Variants in GNG7 observed in about 807,000 individuals in gnomAD.
GNG7 encodes the protein guanine nucleotide-binding protein G(I)/G(S)/G(O) subunit gamma-7.
GNG7 carries 1 observed loss-of-function variant against 4.0 expected under a neutral mutation model. That is an observed-to-expected ratio of 0.25 (90% CI 0.09 to 1.18). The LOEUF (loss-of-function observed/expected upper bound fraction) is 1.18, where lower values mean the gene tolerates loss of function less well. Among genes scored for constraint, GNG7 ranks in the 50% most tolerant of loss-of-function variants. The pLI is 0.50. For missense variants in GNG7, 86 were observed against 91.9 expected (o/e 0.94, Z 0.26); for synonymous variants, 34 against 36.9 (o/e 0.92, Z 0.29).
At chr19:2,528,934 G>A (rs1032855054) in intron 3 of GNG7, among the ~76,000 whole-genome samples, 3 of 152,190 alleles carry the variant, frequency 2.0e-5, no homozygotes, top group African/African-American at 7.2e-5. Flanking sequence ...AAGACAAGGT[G>A]GCTGGAACAT....
At chr19:2,644,091 G>C (rs1982592652) in intron 2 of GNG7, among the ~76,000 whole-genome samples, 2 of 151,824 alleles carry the variant, frequency 1.3e-5, no homozygotes, top group African/African-American at 4.8e-5. Flanking sequence ...CGCAATCTCA[G>C]CTCACTGCAA....
intron 2 of GNG7, among the ~76,000 whole-genome samples, chr19:2,559,320 A>G (rs976198270): frequency 1.9e-4 from 28 of 146,556 alleles, no homozygotes; most frequent in Non-Finnish European, 1.5e-5. Context: ...ACTTTCCTTT[A>G]TCTGATCAAT....
intron 3 of GNG7, among the ~76,000 whole-genome samples, chr19:2,525,783 G>C (rs1489841623): frequency 5.3e-5 from 8 of 152,094 alleles, no homozygotes; most frequent in African/African-American, 1.9e-4. Flanking sequence ...ATGTGTAAGA[G>C]TGAAAAGTTA....
intron 1 of GNG7, among the ~76,000 whole-genome samples, chr19:2,657,990 G>C (rs981759776): frequency 6.6e-6 from 1 of 152,062 alleles, no homozygotes; most frequent in Admixed American, 6.6e-5. Flanking sequence ...ATTGGAGATG[G>C]CTCATACTCC....
rs117654677 is a variant in GNG7 at position 2,694,066 on chromosome 19, T to C, written c.-135+8580A>G. Among the ~76,000 whole-genome samples, 11 of 152,258 alleles carry C rather than the reference T, an allele frequency of 7.2e-5. No individual in the cohort carries two copies. In the East Asian group the frequency reaches 2.1e-3, roughly 29 times the overall value. The stretch of plus-strand genomic sequence containing the variant: ...TCTATGCCTAAGAAATCTTGGTTGT[T>C]TGAGGATAAAATTATCTTCCTTTCT... On this transcript the variant is annotated intron_variant, in intron 1 of 4. Transcript: ENST00000382159.
chr19:2,669,121 G>T (rs955807790), intron 1 of GNG7, among the ~76,000 whole-genome samples: 1 of 152,178 alleles, frequency 6.6e-6, no homozygotes. Context: ...GGGGGTGGTC[G>T]TGTGTGTTGA....
intron 1 of GNG7, among the ~76,000 whole-genome samples, chr19:2,673,563 G>A (rs1983519340): frequency 6.6e-6 from 1 of 151,820 alleles, no homozygotes; most frequent in Admixed American, 6.6e-5. Flanking sequence ...CAGGGTGGCA[G>A]GCACCTGAAA....
At chr19:2,641,400 G>T (rs574737029) in intron 2 of GNG7, among the ~76,000 whole-genome samples, 80 of 152,280 alleles carry the variant, frequency 5.3e-4, no homozygotes, top group African/African-American at 1.9e-3. Flanking sequence ...ATAGCATCCG[G>T]GGTGATCTGG....
At chr19:2,622,322 G>T (rs964620768) in intron 2 of GNG7, among the ~76,000 whole-genome samples, 3 of 152,166 alleles carry the variant, frequency 2.0e-5, no homozygotes, top group African/African-American at 7.2e-5. Context: ...CTTGTGATCC[G>T]CCTGTGTCGG....
chr19:2,562,030 A>C lies in GNG7; in HGVS notation c.-77-6842T>G, dbSNP rs372219011. Reference sequence around the variant, plus strand: ...GCTTCGCAGGCTCTTCTGGGAGACCAGCGGGTAATCCCCTTCCTCCGACAT... The same window carrying C: ...GCTTCGCAGGCTCTTCTGGGAGACCCGCGGGTAATCCCCTTCCTCCGACAT... On this transcript the variant is annotated intron_variant, in intron 2 of 4. Coordinates refer to ENST00000382159, the MANE Select transcript of GNG7 (RefSeq NM_052847.3). Among the ~76,000 whole-genome samples, 11 of 152,184 alleles carry C rather than the reference A, an allele frequency of 7.2e-5. No homozygotes were observed. In the East Asian group the frequency reaches 9.7e-4, roughly 13 times the overall value.
intron 2 of GNG7, among the ~76,000 whole-genome samples, chr19:2,612,356 A>G (rs1981594817): frequency 6.6e-6 from 1 of 152,078 alleles, no homozygotes; most frequent in Admixed American, 6.6e-5. Context: ...AACATCGCCC[A>G]GTGCCCCCTG....
rs150728471 is a variant in GNG7 at position 2,629,903 on chromosome 19, A to G, written c.-78+16321T>C. The stretch of plus-strand genomic sequence containing the variant: ...GCCAGGGTCCATTTCCTGGTTTTGT[A>G]CTATGGTTACGTAAGATGTCACCAC... On this transcript the variant is annotated intron_variant, in intron 2 of 4. Coordinates refer to ENST00000382159, the MANE Select transcript of GNG7 (RefSeq NM_052847.3). Among the ~76,000 whole-genome samples the G allele has an allele frequency of 3.3e-3, 510 of 152,268 alleles. 2 individuals are homozygous for G. The highest frequency in any genetic ancestry group is 0.012 in the South Asian group (56 of 4,826).
chr19:2,624,682 C>G (rs947576544), intron 2 of GNG7, among the ~76,000 whole-genome samples: 1 of 152,226 alleles, frequency 6.6e-6, no homozygotes, highest in Admixed American at 6.5e-5. Context: ...TGACCTGTTG[C>G]CAGCCCTGGC....
At chr19:2,640,173 G>A (rs1244211569) in intron 2 of GNG7, among the ~76,000 whole-genome samples, 2 of 141,666 alleles carry the variant, frequency 1.4e-5, no homozygotes, top group Non-Finnish European at 3.1e-5. Context: ...GGGAGATAGA[G>A]ATAGGAAGGA....
At position 2,512,995 on chromosome 19, in the gene GNG7, G is replaced by A. The variant is rs892650927; in HGVS notation, c.*2027C>T. ...TGGGGCTCTCCCGGGCCAACAGCAG[G>A]TTTGGCGGGTAGGGCTCCCCGAAGC... On this transcript the variant is annotated 3_prime_UTR_variant, in exon 5 of 5. Coordinates refer to ENST00000382159, the MANE Select transcript of GNG7 (RefSeq NM_052847.3). This position sits in a 1 kb window ranked among gnomAD's most constrained non-coding sequence, Gnocchi z 4.7. 6.1e-6 allele frequency: 6 copies of A among 985,342 alleles called. No individual in the cohort carries two copies. The Admixed American group carries it at 3.1e-4, about 50-fold the overall frequency. 61.0% of individuals were successfully genotyped at this position (985,342 alleles called of 1,614,324 possible).
Position 2,586,103 on chromosome 19 carries a change from T to C in GNG7, c.-77-30915A>G, listed in dbSNP as rs118070405. ...CAGTGTTACTTTTGTAAACATAAAG[T>C]TGTACGATTTTGATGATGAAAAACG... is the stretch of plus-strand genomic sequence containing the variant. On this transcript the variant is annotated intron_variant, in intron 2 of 4. Coordinates refer to ENST00000382159, the MANE Select transcript of GNG7 (RefSeq NM_052847.3). Among the ~76,000 whole-genome samples the C allele has an allele frequency of 9.8e-3, 1,486 of 152,316 alleles. 11 individuals carry two copies. The highest frequency in any genetic ancestry group is 0.015 in the Non-Finnish European group (1,008 of 68,032).
Position 2,653,529 on chromosome 19 carries a change from G to A in GNG7, c.-134-7249C>T, listed in dbSNP as rs1982884174. On this transcript the variant is annotated intron_variant, in intron 1 of 4. Transcript: ENST00000382159. This position sits in a 1 kb window ranked among gnomAD's most constrained non-coding sequence, Gnocchi z 4.8. ...CATCAGGAGTTTATCCTGGTGTCTG[G>A]AGTGAGAAGGGATCGAAGTCTATTT... is the stretch of plus-strand genomic sequence containing the variant. 6.6e-6 allele frequency among the ~76,000 whole-genome samples: 1 copy of A among 152,204 alleles called. No individual in the cohort carries two copies. Among genetic ancestry groups the A allele is most frequent in the South Asian group, 2.1e-4 (1 of 4,834 alleles).
At chr19:2,553,458 A>T (rs895895999) in intron 3 of GNG7, among the ~76,000 whole-genome samples, 2 of 147,520 alleles carry the variant, frequency 1.4e-5, no homozygotes, top group African/African-American at 4.9e-5. Flanking sequence ...TATGCAATAT[A>T]TTATGTTATA....
In GNG7 at chr19:2,635,872, C is replaced by T. The variant is rs148772730; in HGVS notation, c.-78+10352G>A. Among the ~76,000 whole-genome samples the T allele has an allele frequency of 2.1e-3, 320 of 152,282 alleles. 1 individual carries two copies. The highest frequency in any genetic ancestry group is 6.8e-3 in the Middle Eastern group (2 of 294). On this transcript the variant is annotated intron_variant, in intron 2 of 4. Transcript: ENST00000382159. ...TGCTGGGATTACAGGTGTGAGCCAC[C>T]GTGCCTGGCCAACTTGGGGTGATTC...
Sources: gnomAD v4.1 joint callset for allele counts (sites outside exome capture counted in the v4.1 genomes callset) on GRCh38, gnomAD v4.1.1 for gene constraint, Gnocchi (gnomAD v3.1) non-coding constraint, MANE v1.5 for transcripts, NCBI Gene and HGNC (gene_info 2026-07-23, HGNC 2026-07-21) for gene names.